ASIC2: variants seen among roughly 807,000 people sequenced by gnomAD.
ASIC2 encodes acid-sensing ion channel 2.
In ASIC2, 25 loss-of-function variants were observed where a neutral mutation model predicts 57.3. The ratio of observed to expected loss-of-function variants is 0.44; its 90% CI spans 0.32 to 0.61. The LOEUF is 0.61. ASIC2 is among the 20% of genes least tolerant of loss of function. The pLI, the probability that ASIC2 is intolerant of heterozygous loss-of-function variation, is 0.06. For missense variants in ASIC2, 641 were observed against 738.1 expected (o/e 0.87, Z 1.52); for synonymous variants, 319 against 307.5 (o/e 1.04, Z -0.39).
At chr17:33,264,005 C>T (rs1024771133) in intron 1 of ASIC2, among the ~76,000 whole-genome samples, 6 of 152,228 alleles carry the variant, frequency 3.9e-5, no homozygotes, top group Admixed American at 1.3e-4. Flanking sequence ...TGCCTCCTGC[C>T]AGCTGTGTGA....
chr17:33,418,024 A>ATGTGTGTGTGTGTGTG (rs57341033), intron 1 of ASIC2, among the ~76,000 whole-genome samples: 3 of 110,246 alleles, frequency 2.7e-5, no homozygotes, highest in Non-Finnish European at 6.5e-5. Context: ...CTCAGCATGT[A>ATGTGTGTGTGTGTGTG]TGTATGTGTG....
At chr17:33,416,843 C>A (rs1472429075) in intron 1 of ASIC2, among the ~76,000 whole-genome samples, 2 of 152,142 alleles carry the variant, frequency 1.3e-5, no homozygotes, top group Non-Finnish European at 2.9e-5. Flanking sequence ...ATGGCCCGCT[C>A]ATCTGTGAAA....
chr17:33,345,745 A>G lies in ASIC2; in HGVS notation c.556-233678T>C, dbSNP rs17184713. On this transcript the variant is annotated intron_variant, in intron 1 of 9. Transcript: ENST00000359872. ...GGAACAGATTCTGGATATGGTTCCA[A>G]GGGCAACAGGTAGGTTTAAATGGGA... Among the ~76,000 whole-genome samples, 274 of 152,366 alleles carry G rather than the reference A, an allele frequency of 1.8e-3. 1 individual carries two copies. Among genetic ancestry groups the G allele is most frequent in the Non-Finnish European group, 3.1e-3 (213 of 68,030 alleles).
chr17:33,524,507 A>G (rs1297442578), intron 1 of ASIC2, among the ~76,000 whole-genome samples: 1 of 152,192 alleles, frequency 6.6e-6, no homozygotes, highest in African/African-American at 2.4e-5. Context: ...GTCTTTTACC[A>G]GTATTGTTTC....
intron 1 of ASIC2, among the ~76,000 whole-genome samples, chr17:33,777,508 C>T (rs757682849): frequency 1.2e-4 from 18 of 152,092 alleles, no homozygotes; most frequent in South Asian, 2.1e-4. Flanking sequence ...CACCTCCCTC[C>T]CAGCCCACCA....
chr17:33,032,826 A>T (rs547890475), intron 3 of ASIC2, among the ~76,000 whole-genome samples: 1 of 152,250 alleles, frequency 6.6e-6, no homozygotes, highest in East Asian at 1.9e-4. Context: ...ATATTTATCC[A>T]CATATATACC....
intron 1 of ASIC2, among the ~76,000 whole-genome samples, chr17:33,858,879 T>G (rs1341104036): frequency 6.6e-6 from 1 of 152,204 alleles, no homozygotes; most frequent in East Asian, 1.9e-4. Context: ...TGTCACTAAC[T>G]GTGTGTGTGG....
chr17:33,139,939 T>C (rs985770270), intron 1 of ASIC2, among the ~76,000 whole-genome samples: 2 of 152,238 alleles, frequency 1.3e-5, no homozygotes, highest in Non-Finnish European at 1.5e-5. Flanking sequence ...TAACACGTTT[T>C]GCCCCATCTA....
intron 1 of ASIC2, among the ~76,000 whole-genome samples, chr17:33,920,497 G>T (rs1915686009): frequency 6.6e-6 from 1 of 152,142 alleles, no homozygotes; most frequent in Non-Finnish European, 1.5e-5. Flanking sequence ...ATATGGGGAG[G>T]TAAACATTGG....
At chr17:33,774,759 T>G (rs1170977754) in intron 1 of ASIC2, among the ~76,000 whole-genome samples, 3 of 152,004 alleles carry the variant, frequency 2.0e-5, no homozygotes, top group African/African-American at 7.2e-5. Context: ...AGAAATGGAG[T>G]CTGAATATTG....
At chr17:33,881,302 G>A (rs1914693101) in intron 1 of ASIC2, among the ~76,000 whole-genome samples, 1 of 152,120 alleles carries the variant, frequency 6.6e-6, no homozygotes, top group Admixed American at 6.5e-5. Flanking sequence ...ATTCAATTAG[G>A]AAAAGAGGTA....
rs116554852 is a variant in ASIC2 at position 34,074,000 on chromosome 17, T to C, written c.555+81978A>G. The stretch of plus-strand genomic sequence containing the variant: ...CATGCAGCCAATATACGGCCTTCAG[T>C]TCCTTCTCTCCCCAGAAACCTCATC... On this transcript the variant is annotated intron_variant, in intron 1 of 9. Coordinates refer to the ASIC2 transcript ENST00000359872. 6.9e-3 allele frequency among the ~76,000 whole-genome samples: 1,044 copies of C among 152,260 alleles called. 15 individuals carry two copies. The highest frequency in any genetic ancestry group is 0.024 in the African/African-American group (1,004 of 41,552).
At position 33,702,308 on chromosome 17, in the gene ASIC2, A is replaced by AGG. The variant is rs139048603; in HGVS notation, c.555+453668_555+453669dup. On this transcript the variant is annotated intron_variant, in intron 1 of 9. Coordinates refer to the ASIC2 transcript ENST00000359872. ...GTTTCTTTCTCCTTCCTGGGGTTAG[A>AGG]GGGGGGGTATCACTGATTGAACCAA... Among the ~76,000 whole-genome samples the AGG allele has an allele frequency of 3.1e-4, 47 of 152,182 alleles. 1 individual carries two copies. The highest frequency in any genetic ancestry group is 1.1e-3 in the African/African-American group (44 of 41,506).
At chr17:33,087,716 C>T (rs1377468409) in intron 3 of ASIC2, among the ~76,000 whole-genome samples, 1 of 148,912 alleles carries the variant, frequency 6.7e-6, no homozygotes, top group South Asian at 2.1e-4. Flanking sequence ...GCATGCACTA[C>T]CATGCCTAAT....
At chr17:34,014,765 C>A (rs746366953) in intron 1 of ASIC2, among the ~76,000 whole-genome samples, 6 of 152,184 alleles carry the variant, frequency 3.9e-5, no homozygotes, top group Non-Finnish European at 7.3e-5. Context: ...GCTCCCCATG[C>A]ATGTTGCAAG....
intron 1 of ASIC2, among the ~76,000 whole-genome samples, chr17:33,320,086 G>C (rs940353666): frequency 6.6e-6 from 1 of 152,094 alleles, no homozygotes; most frequent in African/African-American, 2.4e-5. Flanking sequence ...TAAAAAGCAG[G>C]AGTTAATAGA....
At chr17:33,693,791 C>T (rs1267749140) in intron 1 of ASIC2, among the ~76,000 whole-genome samples, 1 of 152,180 alleles carries the variant, frequency 6.6e-6, no homozygotes, top group Admixed American at 6.5e-5. Context: ...GGTGAATTCT[C>T]TCTAGGTGAA....
At chr17:33,164,576 G>GCACACACACACA (rs35380225) in intron 1 of ASIC2, among the ~76,000 whole-genome samples, 7 of 149,782 alleles carry the variant, frequency 4.7e-5, no homozygotes, top group African/African-American at 1.5e-4. Context: ...GCACATGCAC[G>GCACACACACACA]CACACACACA....
chr17:33,111,597 C>T (rs774346203), intron 2 of ASIC2, among the ~76,000 whole-genome samples: 2 of 152,178 alleles, frequency 1.3e-5, no homozygotes, highest in African/African-American at 2.4e-5. Context: ...TCCATCCTTC[C>T]CGCCTCTCCT....
Sources: allele counts gnomAD v4.1 joint callset (sites outside exome capture counted in the v4.1 genomes callset), GRCh38; gene constraint gnomAD v4.1.1; transcripts MANE v1.5; gene names NCBI Gene and HGNC (gene_info 2026-07-23, HGNC 2026-07-21).